The following TACC2 variants were observed in gnomAD, a reference collection of about 807,000 sequenced individuals.
TACC2 encodes transforming acidic coiled-coil-containing protein 2.
In TACC2, 137 loss-of-function variants were observed where a neutral mutation model predicts 227.3. That is an observed-to-expected ratio of 0.60 (90% CI 0.52 to 0.69). TACC2 has a LOEUF of 0.69. TACC2 is among the 30% of genes least tolerant of loss of function. The probability of loss-of-function intolerance (pLI) is 0.00; values close to 1 mark genes in which losing one functional copy is unlikely to be tolerated. For missense variants in TACC2, 3,470 were observed against 3,694.4 expected (o/e 0.94, Z 1.57); for synonymous variants, 1,523 against 1,487.5 (o/e 1.02, Z -0.55).
intron 2 of TACC2, chr10:122,022,540 A>G (rs1297451795): frequency 6.6e-6 from 1 of 152,560 alleles, no homozygotes; most frequent in Admixed American, 6.5e-5. Context: ...ATGAGCCACC[A>G]TTACAGGCAT....
rs372748595 is a variant in TACC2 at position 121,989,799 on chromosome 10, C to G, written c.-46+311C>G. The stretch of plus-strand genomic sequence containing the variant: ...TAGAGATAGGTTCTTACTCTGTCAT[C>G]CAAGCCAGAGTGCGGTGGCATGATC... On this transcript the variant is annotated intron_variant, in intron 1 of 22. Coordinates refer to ENST00000369005, the MANE Select transcript of TACC2 (RefSeq NM_206862.4). Among the ~76,000 whole-genome samples, 76 of 151,228 alleles carry G rather than the reference C, an allele frequency of 5.0e-4. No homozygotes were observed. The South Asian group carries it at 8.8e-3, about 17-fold the overall frequency.
chr10:122,087,546 A>G lies in TACC2; in HGVS notation c.5046A>G (p.Ala1682=), dbSNP rs374266799. ...RNALGNQSTP[A]PPTGEVADTP... ...CCCTGGGCAACCAGAGCACCCCTGC[A>G]CCACCAACTGGAGAAGTGGCAGACA... The change falls in exon 4 of 23, where the codon GCA becomes GCG. Residue 1682 remains alanine, a synonymous_variant. Coordinates refer to ENST00000369005, the MANE Select transcript of TACC2 (RefSeq NM_206862.4). The G allele has an allele frequency of 4.3e-4, 701 of 1,613,678 alleles. 1 individual carries two copies. Among genetic ancestry groups the G allele is most frequent in the Non-Finnish European group, 5.5e-4 (644 of 1,180,028 alleles).
At chr10:122,114,241 A>T (rs886334982) in intron 5 of TACC2, among the ~76,000 whole-genome samples, 6 of 151,748 alleles carry the variant, frequency 4.0e-5, no homozygotes, top group Non-Finnish European at 8.8e-5. Context: ...ACCGGAGAGA[A>T]CTCTCCCCAT....
chr10:122,047,629 G>A (rs556924998), intron 2 of TACC2, among the ~76,000 whole-genome samples: 1 of 152,304 alleles, frequency 6.6e-6, no homozygotes, highest in African/African-American at 2.4e-5. Context: ...AGAGATAATC[G>A]GTTATGTCTA....
intron 9 of TACC2, chr10:122,213,376 T>C (rs2095336950): frequency 4.3e-6 from 7 of 1,612,260 alleles, no homozygotes; most frequent in African/African-American, 1.3e-5. Flanking sequence ...GTGTTCTCTG[T>C]TGTAAGTAAA....
At chr10:122,221,386 G>T (rs900739669) in intron 11 of TACC2, among the ~76,000 whole-genome samples, 2 of 152,200 alleles carry the variant, frequency 1.3e-5, no homozygotes, top group Non-Finnish European at 2.9e-5. Flanking sequence ...AAGAGACCCT[G>T]ACAGAGTGCA....
In TACC2 at chr10:122,211,154, G is replaced by A. The variant is rs752028950; in HGVS notation, c.6729G>A (p.Gly2243=). 1 of 1,610,532 alleles carries A rather than the reference G, an allele frequency of 6.2e-7. No individual in the cohort carries two copies. Among genetic ancestry groups the A allele is most frequent in the Non-Finnish European group, 8.5e-7 (1 of 1,178,224 alleles). Residue 2243 remains glycine, a synonymous_variant, in exon 9 of 23, where the codon GGG becomes GGA. Coordinates refer to ENST00000369005, the MANE Select transcript of TACC2 (RefSeq NM_206862.4). ...CTCTTACCACGGCCCCGGAGGCAGG[G>A]GAGGTAACCCCATCGGATAGCGGGG... ...TLPLTTAPEA[G]EVTPSDSGGQ...
chr10:122,126,600 A>T (rs548005180), intron 5 of TACC2: 1 of 152,136 alleles, frequency 6.6e-6, no homozygotes, highest in East Asian at 1.9e-4. Flanking sequence ...GGCTCCTATT[A>T]TCCTTGATAC....
At chr10:122,118,591 G>T (rs2085164457) in intron 5 of TACC2, among the ~76,000 whole-genome samples, 1 of 152,164 alleles carries the variant, frequency 6.6e-6, no homozygotes, top group African/African-American at 2.4e-5. Flanking sequence ...TTTGTTCAGG[G>T]TCTAGACCTG....
intron 2 of TACC2, among the ~76,000 whole-genome samples, chr10:122,043,542 CTCTG>C (rs879491505): frequency 0.029 from 1,450 of 49,274 alleles, 20 homozygotes; most frequent in Non-Finnish European, 0.041. Flanking sequence ...TTCTCTCTCT[CTCTG>C]TCTCTCTGTC....
chr10:122,078,487 T>C (rs1049690365), intron 3 of TACC2, among the ~76,000 whole-genome samples: 3 of 152,158 alleles, frequency 2.0e-5, no homozygotes, highest in Admixed American at 6.5e-5. Context: ...CCCCTGCCCA[T>C]GCTTCTCCCT....
intron 1 of TACC2, among the ~76,000 whole-genome samples, chr10:121,991,700 A>G (rs1953033906): frequency 6.6e-6 from 1 of 152,228 alleles, no homozygotes; most frequent in Non-Finnish European, 1.5e-5. Flanking sequence ...TGTTGTTTAC[A>G]GACATTGGAA....
intron 3 of TACC2, among the ~76,000 whole-genome samples, chr10:122,070,066 C>T (rs186269238): frequency 2.4e-4 from 36 of 152,284 alleles, no homozygotes; most frequent in African/African-American, 8.2e-4. Context: ...TACAGAGAGA[C>T]GATCTCAACA....
chr10:122,024,027 A>C (rs1957679836), intron 2 of TACC2, among the ~76,000 whole-genome samples: 1 of 152,176 alleles, frequency 6.6e-6, no homozygotes, highest in Non-Finnish European at 1.5e-5. Flanking sequence ...TTTTAAATTA[A>C]ACTTATTATT....
At chr10:122,140,737 C>T (rs942411009) in intron 6 of TACC2, among the ~76,000 whole-genome samples, 20 of 152,176 alleles carry the variant, frequency 1.3e-4, no homozygotes, top group African/African-American at 2.9e-4. Flanking sequence ...GAGGCTTGAA[C>T]GCAGATGGGA....
chr10:122,230,396 G>T lies in TACC2; in HGVS notation c.8083G>T (p.Ala2695Ser). 6.2e-7 allele frequency: 1 copy of T among 1,614,210 alleles called. No individual in the cohort carries two copies. Among genetic ancestry groups the T allele is most frequent in the South Asian group, 1.1e-5 (1 of 91,092 alleles). ...CATGCGGATAGAAGCCCTGAAGCTG[G>T]CCAGGCAGATTGCTTTGGCTTCCCG... is the stretch of plus-strand genomic sequence containing the variant. Reference protein sequence around the residue: ...AIMRIEALKLARQIALASRSH... With the variant: ...AIMRIEALKLSRQIALASRSH... The change falls in exon 16 of 23, where the codon GCC becomes TCC. Residue 2695 changes from alanine (A) to serine (S), a missense_variant. This residue lies in a region of TACC2 where 345 missense variants were observed against 354.4 expected (regional missense o/e 0.97). Transcript: ENST00000369005.
intron 1 of TACC2, among the ~76,000 whole-genome samples, chr10:121,997,335 C>T (rs1363834017): frequency 6.6e-6 from 1 of 152,176 alleles, no homozygotes; most frequent in Non-Finnish European, 1.5e-5. Context: ...TCTTACCCCG[C>T]CTCTCCCTAA....
intron 2 of TACC2, among the ~76,000 whole-genome samples, chr10:122,049,444 C>G (rs1165778912): frequency 1.3e-5 from 2 of 152,150 alleles, no homozygotes; most frequent in Non-Finnish European, 2.9e-5. Context: ...TGACCGGAGT[C>G]TCATGTACAC....
chr10:122,026,552 TTTC>T (rs1007222501), intron 2 of TACC2, among the ~76,000 whole-genome samples: 2 of 152,070 alleles, frequency 1.3e-5, no homozygotes, highest in Admixed American at 6.6e-5. Flanking sequence ...TATTGCACAT[TTTC>T]TGGGTTTGGA....
Sources: allele counts gnomAD v4.1 joint callset (sites outside exome capture counted in the v4.1 genomes callset), GRCh38; gene constraint gnomAD v4.1.1; regional missense constraint gnomAD v4.1.1; transcripts MANE v1.5; gene names NCBI Gene and HGNC (gene_info 2026-07-23, HGNC 2026-07-21).